ADAMTS19: variants seen among roughly 807,000 people sequenced by gnomAD.
ADAMTS19 encodes A disintegrin and metalloproteinase with thrombospondin motifs 19.
Under a neutral mutation model 153.3 loss-of-function variants are expected in ADAMTS19, and 93 were observed. That is an observed-to-expected ratio of 0.61 (90% CI 0.51 to 0.72). The LOEUF (loss-of-function observed/expected upper bound fraction) is 0.72, where lower values mean the gene tolerates loss of function less well. Among genes scored for constraint, ADAMTS19 ranks in the 30% least tolerant of loss-of-function variants. ADAMTS19 has a pLI of 0.00. For synonymous variants in ADAMTS19, 600 were observed against 556.6 expected, an observed-to-expected ratio of 1.08 and a Z score of -1.10; for missense variants, 1,482 against 1,552.1, an observed-to-expected ratio of 0.95 and a Z score of 0.76.
chr5:129,524,950 C>T (rs1173735967), intron 3 of ADAMTS19, among the ~76,000 whole-genome samples: 1 of 152,018 alleles, frequency 6.6e-6, no homozygotes, highest in African/African-American at 2.4e-5. Context: ...CTCTTTTCGT[C>T]AGTATTATGT....
intron 21 of ADAMTS19, among the ~76,000 whole-genome samples, chr5:129,708,359 T>C (rs1158924998): frequency 6.6e-6 from 1 of 152,178 alleles, no homozygotes; most frequent in African/African-American, 2.4e-5. Context: ...GCTATAGACA[T>C]GTTCTTCGGA....
intron 6 of ADAMTS19, among the ~76,000 whole-genome samples, chr5:129,540,523 A>G (rs780281700): frequency 6.6e-6 from 1 of 152,074 alleles, no homozygotes; most frequent in Non-Finnish European, 1.5e-5. Flanking sequence ...TTTATTAATG[A>G]TAGCTTTGCC....
intron 8 of ADAMTS19, among the ~76,000 whole-genome samples, chr5:129,600,449 CT>C (rs1750592833): frequency 6.6e-6 from 1 of 152,084 alleles, no homozygotes; most frequent in African/African-American, 2.4e-5. Context: ...TCCATGTAAA[CT>C]TTTCAAGAAT....
At chr5:129,694,989 C>T in intron 19 of ADAMTS19, 134 bp downstream of exon 19, 2 of 1,135,614 alleles carry the variant, frequency 1.8e-6, no homozygotes, top group Non-Finnish European at 1.2e-6. Flanking sequence ...AATTTAAAGT[C>T]TTAAATAAGC....
chr5:129,534,968 A>G (rs1382958692), intron 6 of ADAMTS19, among the ~76,000 whole-genome samples: 8 of 152,116 alleles, frequency 5.3e-5, no homozygotes, highest in Non-Finnish European at 1.2e-4. Flanking sequence ...TACTGAATGG[A>G]CAAAAACTGG....
chr5:129,659,665 T>C (rs892826661), intron 15 of ADAMTS19, among the ~76,000 whole-genome samples: 13 of 152,128 alleles, frequency 8.5e-5, no homozygotes, highest in African/African-American at 3.1e-4. Flanking sequence ...ACTGCAGCCT[T>C]AACCTCCCAT....
chr5:129,614,064 A>T (rs775487351), intron 8 of ADAMTS19, among the ~76,000 whole-genome samples: 39 of 152,184 alleles, frequency 2.6e-4, no homozygotes, highest in Non-Finnish European at 4.4e-4. Context: ...AACCAAAAAA[A>T]GTCCAAGACC....
intron 10 of ADAMTS19, among the ~76,000 whole-genome samples, chr5:129,640,276 G>A (rs1752734205): frequency 6.6e-6 from 1 of 151,964 alleles, no homozygotes; most frequent in Non-Finnish European, 1.5e-5. Flanking sequence ...ACAGTAAATT[G>A]TTGTTAAAAA....
chr5:129,514,488 G>C (rs1751535095), intron 3 of ADAMTS19, among the ~76,000 whole-genome samples: 1 of 152,076 alleles, frequency 6.6e-6, no homozygotes, highest in Non-Finnish European at 1.5e-5. Context: ...ATTTTAACTG[G>C]GGTGAGATGA....
At chr5:129,548,318 C>G (rs1427212686) in intron 6 of ADAMTS19, among the ~76,000 whole-genome samples, 1 of 135,878 alleles carries the variant, frequency 7.4e-6, no homozygotes. Flanking sequence ...TGAATTCAAA[C>G]AAATTTACAA....
chr5:129,515,151 C>A (rs1402930303), intron 3 of ADAMTS19, among the ~76,000 whole-genome samples: 1 of 151,804 alleles, frequency 6.6e-6, no homozygotes, highest in Non-Finnish European at 1.5e-5. Flanking sequence ...GGTCTATGTG[C>A]CTGTTTTTAT....
intron 8 of ADAMTS19, among the ~76,000 whole-genome samples, chr5:129,610,205 T>A (rs143773007): frequency 2.7e-4 from 41 of 152,122 alleles, no homozygotes; most frequent in African/African-American, 8.9e-4. Flanking sequence ...TAATGATAAA[T>A]ATGGGCTATA....
intron 10 of ADAMTS19, among the ~76,000 whole-genome samples, chr5:129,630,969 G>C (rs1752258127): frequency 1.3e-5 from 2 of 151,794 alleles, no homozygotes; most frequent in Admixed American, 1.3e-4. Flanking sequence ...ACTCCTTAAA[G>C]GATGCTTAAC....
chr5:129,590,805 A>G (rs935000822), intron 7 of ADAMTS19, among the ~76,000 whole-genome samples: 3 of 152,210 alleles, frequency 2.0e-5, no homozygotes, highest in Non-Finnish European at 2.9e-5. Context: ...TCTGGGTACC[A>G]TTCTTATATC....
intron 3 of ADAMTS19, among the ~76,000 whole-genome samples, chr5:129,525,846 G>A (rs1177699303): frequency 3.9e-5 from 6 of 152,110 alleles, no homozygotes; most frequent in South Asian, 2.1e-4. Flanking sequence ...CTGAAATTAG[G>A]ATGTGTGGTG....
At chr5:129,493,570 C>A (rs1313397174) in intron 2 of ADAMTS19, among the ~76,000 whole-genome samples, 1 of 152,070 alleles carries the variant, frequency 6.6e-6, no homozygotes, top group Non-Finnish European at 1.5e-5. Flanking sequence ...AGATTTCTAG[C>A]TATTTAATGA....
In ADAMTS19 at chr5:129,702,941, A is replaced by AAATATATAT; in HGVS notation, c.3160-1297_3160-1296insATATATATA. Among the ~76,000 whole-genome samples the AAATATATAT allele has an allele frequency of 5.0e-3, 146 of 29,224 alleles. 2 individuals are homozygous for AAATATATAT. The highest frequency in any genetic ancestry group is 7.0e-3 in the Admixed American group (15 of 2,154). The allele number at this position is 29,224 out of a possible 152,430, so 19.2% of individuals were successfully genotyped here. A position where few individuals can be genotyped will look rare whatever the true frequency, so the allele number is the denominator to read the frequency against. ...TAGTTTGACTTGCCAAAAAAAAAAA[A>AAATATATAT]ATATATATATATATATATATATATA... On this transcript the variant is annotated intron_variant, in intron 20 of 22. Transcript: ENST00000274487.
At chr5:129,711,406 T>G (rs1377420139) in intron 21 of ADAMTS19, among the ~76,000 whole-genome samples, 1 of 152,212 alleles carries the variant, frequency 6.6e-6, no homozygotes. Context: ...CTGGGCACGG[T>G]GGCTCACGCC....
intron 14 of ADAMTS19, among the ~76,000 whole-genome samples, chr5:129,655,930 T>C (rs1051164086): frequency 1.3e-5 from 2 of 152,234 alleles, no homozygotes; most frequent in African/African-American, 2.4e-5. Flanking sequence ...TAGTTTTTCA[T>C]TAAAAATTAT....
Sources: allele counts gnomAD v4.1 joint callset (sites outside exome capture counted in the v4.1 genomes callset), GRCh38; gene constraint gnomAD v4.1.1; transcripts MANE v1.5; gene names NCBI Gene and HGNC (gene_info 2026-07-23, HGNC 2026-07-21).